RP1: variants seen among roughly 807,000 people sequenced by gnomAD.
The protein encoded by RP1 is oxygen-regulated protein 1.
In RP1, 16 loss-of-function variants were observed where a neutral mutation model predicts 14.8. The observed-to-expected ratio is 1.08, with a 90% CI of 0.73 to 1.65. The LOEUF is 1.65. Among genes scored for constraint, RP1 ranks in the 40% most tolerant of loss-of-function variants. The pLI is 0.00. For missense variants in RP1, 2,631 were observed against 2,535.0 expected (o/e 1.04, Z -0.81); for synonymous variants, 876 against 883.6 (o/e 0.99, Z 0.15).
chr8:54,656,688 A>G (rs1284187653), intron 6 of RP1, among the ~76,000 whole-genome samples: 1 of 151,428 alleles, frequency 6.6e-6, no homozygotes, highest in East Asian at 1.9e-4. Context: ...GGCTGATAAT[A>G]GGCTCTTGTT....
At chr8:54,737,872 T>C (rs1163912025) in intron 18 of RP1, among the ~76,000 whole-genome samples, 2 of 152,142 alleles carry the variant, frequency 1.3e-5, no homozygotes, top group African/African-American at 4.8e-5. Flanking sequence ...AGACATAATA[T>C]GCAAGTGCCT....
intron 13 of RP1, among the ~76,000 whole-genome samples, chr8:54,701,065 A>G (rs528079946): frequency 1.2e-4 from 18 of 152,260 alleles, no homozygotes; most frequent in Admixed American, 9.8e-4. Context: ...TCATGTCTCA[A>G]TGTAGCATAA....
chr8:54,757,009 T>C (rs1005729627), intron 21 of RP1, among the ~76,000 whole-genome samples: 1 of 152,216 alleles, frequency 6.6e-6, no homozygotes, highest in Non-Finnish European at 1.5e-5. Context: ...GGCTTAGTGG[T>C]ATCTGCTTTT....
At chr8:54,649,156 A>G (rs1443124160) in intron 4 of RP1, 3 of 1,475,478 alleles carry the variant, frequency 2.0e-6, no homozygotes, top group Non-Finnish European at 2.7e-6. Context: ...ACTGTAAGTA[A>G]TAAAACTGAG....
chr8:54,591,415 C>T (rs1805040795), intron 1 of RP1, among the ~76,000 whole-genome samples: 1 of 152,006 alleles, frequency 6.6e-6, no homozygotes, highest in Admixed American at 6.6e-5. Context: ...GAATACATTT[C>T]TTCTGTATCT....
At chr8:54,650,433 T>C (rs1425148546) in intron 4 of RP1, among the ~76,000 whole-genome samples, 1 of 152,204 alleles carries the variant, frequency 6.6e-6, no homozygotes, top group African/African-American at 2.4e-5. Context: ...TTTTTTATTA[T>C]GGTAAAATAC....
chr8:54,587,352 G>C (rs1444168244), intron 1 of RP1, among the ~76,000 whole-genome samples: 1 of 151,026 alleles, frequency 6.6e-6, no homozygotes, highest in Non-Finnish European at 1.5e-5. Flanking sequence ...CTTGAACTCG[G>C]AAGATGGAGG....
At chr8:54,842,569 T>A (rs978071108) in intron 25 of RP1, among the ~76,000 whole-genome samples, 3 of 152,124 alleles carry the variant, frequency 2.0e-5, no homozygotes, top group Non-Finnish European at 4.4e-5. Flanking sequence ...CCTCCTTCCT[T>A]TGCATCATTT....
intron 25 of RP1, among the ~76,000 whole-genome samples, chr8:54,848,262 G>T (rs1046859591): frequency 6.6e-6 from 1 of 152,160 alleles, no homozygotes; most frequent in African/African-American, 2.4e-5. Flanking sequence ...ACCTGCTTCT[G>T]CACTCTCCTC....
At chr8:54,713,598 G>A (rs563173954) in intron 15 of RP1, among the ~76,000 whole-genome samples, 5 of 151,940 alleles carry the variant, frequency 3.3e-5, no homozygotes, top group African/African-American at 7.3e-5. Context: ...TATATTCTAC[G>A]CATGCAAATT....
At chr8:54,656,151 T>C in exon 6 of RP1, 8 of 1,535,618 alleles carry the variant, frequency 5.2e-6, no homozygotes, top group Non-Finnish European at 7.0e-6. Flanking sequence ...TGGCACGAGA[T>C]CAAGAGGATG....
chr8:54,636,153 T>G (rs1312295550), intron 3 of RP1, among the ~76,000 whole-genome samples: 2 of 152,202 alleles, frequency 1.3e-5, no homozygotes, highest in Non-Finnish European at 2.9e-5. Flanking sequence ...TTCTTTTTGG[T>G]CAGAGCTATC....
At chr8:54,829,390 G>A (rs937240366) in intron 24 of RP1, among the ~76,000 whole-genome samples, 3 of 152,042 alleles carry the variant, frequency 2.0e-5, no homozygotes, top group Non-Finnish European at 4.4e-5. Context: ...ACGGTTTGTT[G>A]AGAAATTAAA....
At chr8:54,692,819 T>G (rs1243160178) in intron 12 of RP1, among the ~76,000 whole-genome samples, 1 of 151,970 alleles carries the variant, frequency 6.6e-6, no homozygotes, top group African/African-American at 2.4e-5. Flanking sequence ...CTCTTTAGTT[T>G]AATTAGATCC....
chr8:54,713,870 G>T (rs1199463326), intron 15 of RP1, among the ~76,000 whole-genome samples: 2 of 152,138 alleles, frequency 1.3e-5, no homozygotes, highest in Non-Finnish European at 2.9e-5. Flanking sequence ...CTAAAAAATG[G>T]TCTTACATTT....
chr8:54,720,401 C>G, intron 16 of RP1: 1 of 1,106,232 alleles, frequency 9.0e-7, no homozygotes. Flanking sequence ...CTAAGCAAAT[C>G]TCTGCTGCTA....
chr8:54,649,117 G>A lies in RP1; in HGVS notation c.920G>A (p.Arg307Gln), dbSNP rs1193716424. ...TATCTTTATGGAACAGATGGGGCTC[G>A]ATTTCAGGTTGGCCATGAAGACATA... Residue 307 changes from arginine to glutamine, a missense_variant, in exon 4 of 23, where the codon CGA (arginine) becomes CAA (glutamine). Arg to Gln is a conservative substitution (Grantham distance 43). Coordinates refer to the RP1 transcript ENST00000636932. The A allele has an allele frequency of 8.0e-6, 12 of 1,509,068 alleles. No individual in the cohort carries two copies. In the Admixed American group the frequency reaches 1.4e-4, roughly 17 times the overall value. 93.5% of individuals were successfully genotyped at this position (1,509,068 alleles called of 1,614,324 possible).
At chr8:54,674,311 C>G (rs1445412770) in intron 8 of RP1, among the ~76,000 whole-genome samples, 2 of 152,040 alleles carry the variant, frequency 1.3e-5, no homozygotes, top group Non-Finnish European at 2.9e-5. Flanking sequence ...CCAACAGCGG[C>G]ACGTTAAGGA....
At chr8:54,575,836 T>A (rs1303498280) in intron 1 of RP1, among the ~76,000 whole-genome samples, 1 of 152,162 alleles carries the variant, frequency 6.6e-6, no homozygotes, top group Non-Finnish European at 1.5e-5. Flanking sequence ...CCCTACTTTG[T>A]GTCCATGAGT....
Sources: allele counts gnomAD v4.1 joint callset (sites outside exome capture counted in the v4.1 genomes callset), GRCh38; gene constraint gnomAD v4.1.1; transcripts MANE v1.5; gene names NCBI Gene and HGNC (gene_info 2026-07-23, HGNC 2026-07-21).